Variants in MYO3B observed in about 807,000 individuals in gnomAD.
MYO3B encodes the protein myosin IIIB, also known as myosin-IIIb.
Under a neutral mutation model 174.6 loss-of-function variants are expected in MYO3B, and 156 were observed. The ratio of observed to expected loss-of-function variants is 0.89; its 90% CI spans 0.78 to 1.02. The LOEUF is 1.02. Among genes scored for constraint, MYO3B ranks in the 50% least tolerant of loss-of-function variants. The pLI is 0.00. For missense variants in MYO3B, 1,632 were observed against 1,639.4 expected (o/e 1.00, Z 0.08); for synonymous variants, 563 against 569.1 (o/e 0.99, Z 0.15).
intron 25 of MYO3B, among the ~76,000 whole-genome samples, chr2:170,485,949 A>G (rs1686021171): frequency 6.6e-6 from 1 of 152,196 alleles, no homozygotes; most frequent in South Asian, 2.1e-4. Flanking sequence ...AAGGCTAGCT[A>G]AAATGCAGAT....
chr2:170,229,707 G>T (rs932181359), intron 6 of MYO3B, among the ~76,000 whole-genome samples: 1 of 152,116 alleles, frequency 6.6e-6, no homozygotes. Context: ...AGAGAAACTA[G>T]GTTTTCTGAA....
At chr2:170,643,567 C>T (rs897733280) in intron 32 of MYO3B, 7 of 152,118 alleles carry the variant, frequency 4.6e-5, no homozygotes, top group African/African-American at 1.7e-4. Flanking sequence ...AGCTTATAAC[C>T]TCATATAGGA....
chr2:170,338,617 T>C (rs1026503747), intron 8 of MYO3B, among the ~76,000 whole-genome samples: 2 of 152,192 alleles, frequency 1.3e-5, no homozygotes, highest in Non-Finnish European at 2.9e-5. Context: ...TGTTTGTTTG[T>C]TTTGAGACAG....
rs75129520 is a variant in MYO3B, at chr2:170,394,671, A to C, written c.1791+2176A>C. ...TTTTCACCATGTCCCACATTAATTC[A>C]TACAGGAAATAAACCAATTTATATA... On this transcript the variant is annotated intron_variant, in intron 16 of 34. Transcript: ENST00000408978. Among the ~76,000 whole-genome samples the C allele has an allele frequency of 1.4e-4, 22 of 152,366 alleles. No individual in the cohort carries two copies. In the East Asian group the frequency reaches 4.0e-3, roughly 28 times the overall value.
At chr2:170,377,814 C>T (rs1484826550) in intron 9 of MYO3B, among the ~76,000 whole-genome samples, 2 of 152,214 alleles carry the variant, frequency 1.3e-5, no homozygotes, top group African/African-American at 2.4e-5. Flanking sequence ...ACTACAGTGC[C>T]TTACCACATA....
At chr2:170,364,217 CCAAA>C (rs144012571) in intron 8 of MYO3B, among the ~76,000 whole-genome samples, 2 of 151,976 alleles carry the variant, frequency 1.3e-5, no homozygotes, top group African/African-American at 2.4e-5. Context: ...TTTGTGGGGC[CCAAA>C]CAAACAAACA....
chr2:170,334,361 C>T (rs1302271415), intron 7 of MYO3B: 1 of 152,120 alleles, frequency 6.6e-6, no homozygotes, highest in Non-Finnish European at 1.5e-5. Context: ...TATCGAGGGG[C>T]AAATTGCGAT....
At chr2:170,237,224 C>G (rs762362948) in intron 7 of MYO3B, among the ~76,000 whole-genome samples, 2 of 152,118 alleles carry the variant, frequency 1.3e-5, no homozygotes, top group Non-Finnish European at 2.9e-5. Context: ...TATAAGAATG[C>G]AGGAGCTAAA....
At chr2:170,619,418 T>A (rs567857838) in intron 32 of MYO3B, among the ~76,000 whole-genome samples, 1 of 152,322 alleles carries the variant, frequency 6.6e-6, no homozygotes, top group East Asian at 1.9e-4. Context: ...CATCTTTTAT[T>A]CCGTAGCAAT....
At chr2:170,476,002 T>C (rs142193523) in intron 25 of MYO3B, among the ~76,000 whole-genome samples, 3 of 152,336 alleles carry the variant, frequency 2.0e-5, no homozygotes, top group Middle Eastern at 3.4e-3. Context: ...ACAGCATTCT[T>C]GCTTTTCCCT....
chr2:170,303,850 T>TG (rs200402856), intron 7 of MYO3B, among the ~76,000 whole-genome samples: 2,595 of 152,254 alleles, frequency 0.017, 88 homozygotes, highest in African/African-American at 0.059. Context: ...TTTGTAACTT[T>TG]GATTTTTTTA....
chr2:170,277,467 C>T (rs1315737893), intron 7 of MYO3B, among the ~76,000 whole-genome samples: 1 of 152,146 alleles, frequency 6.6e-6, no homozygotes, highest in African/African-American at 2.4e-5. Flanking sequence ...CATAATGTGA[C>T]TTACATAAGG....
In MYO3B at chr2:170,391,631, G is replaced by A; in HGVS notation, c.1676+13G>A. The A allele has an allele frequency of 6.9e-7, 1 of 1,458,012 alleles. No individual in the cohort carries two copies. Among genetic ancestry groups the A allele is most frequent in the South Asian group, 1.2e-5 (1 of 80,386 alleles). 90.3% of individuals were successfully genotyped at this position (1,458,012 alleles called of 1,614,324 possible). A position where few individuals can be genotyped will look rare whatever the true frequency, so the allele number is the denominator to read the frequency against. On this transcript the variant is annotated intron_variant, in intron 15 of 34. Transcript: ENST00000408978. ...AAAAACCTCCTAGGTAAGTGTCAGG[G>A]GGGTTGGTTGTTAATTTTTGATGAA...
chr2:170,395,676 A>T (rs1387497982), intron 16 of MYO3B, among the ~76,000 whole-genome samples: 1 of 152,152 alleles, frequency 6.6e-6, no homozygotes, highest in Non-Finnish European at 1.5e-5. Context: ...AAGTGTTGGA[A>T]CAGAGCCTGT....
chr2:170,629,645 T>C (rs1253997209), intron 32 of MYO3B, among the ~76,000 whole-genome samples: 1 of 151,072 alleles, frequency 6.6e-6, no homozygotes, highest in East Asian at 1.9e-4. Context: ...AGCTTAGGAG[T>C]TCAAGACCAG....
chr2:170,269,721 A>T (rs577519015), intron 7 of MYO3B, among the ~76,000 whole-genome samples: 5 of 152,194 alleles, frequency 3.3e-5, no homozygotes, highest in Non-Finnish European at 5.9e-5. Context: ...AACAATTAGG[A>T]TATATAAATT....
At chr2:170,612,288 T>C (rs565743609) in intron 32 of MYO3B, among the ~76,000 whole-genome samples, 10 of 152,288 alleles carry the variant, frequency 6.6e-5, no homozygotes, top group African/African-American at 2.4e-4. Flanking sequence ...ATTAAGGGGT[T>C]TATGTGAGGT....
At chr2:170,301,647 A>G (rs962741091) in intron 7 of MYO3B, among the ~76,000 whole-genome samples, 1 of 152,230 alleles carries the variant, frequency 6.6e-6, no homozygotes, top group Non-Finnish European at 1.5e-5. Context: ...GGCTGGGAGT[A>G]GATGGGTGTT....
chr2:170,620,430 T>C (rs997123400), intron 32 of MYO3B, among the ~76,000 whole-genome samples: 15 of 152,236 alleles, frequency 9.9e-5, no homozygotes, highest in African/African-American at 3.6e-4. Flanking sequence ...CAAATCTCTC[T>C]GCCTCTTTCT....
Sources: allele counts gnomAD v4.1 joint callset (sites outside exome capture counted in the v4.1 genomes callset), GRCh38; gene constraint gnomAD v4.1.1; transcripts MANE v1.5; gene names NCBI Gene and HGNC (gene_info 2026-07-23, HGNC 2026-07-21).